Variants in RERE observed in about 807,000 individuals in gnomAD.
RERE encodes arginine-glutamic acid dipeptide repeats.
RERE carries 40 observed loss-of-function variants against 146.1 expected under a neutral mutation model. The observed-to-expected ratio is 0.27, with a 90% confidence interval of 0.21 to 0.36. The LOEUF is 0.36. Ranked by LOEUF, RERE falls within the 10% of genes least tolerant of loss-of-function variation. The pLI, the probability that RERE is intolerant of heterozygous loss-of-function variation, is 1.00. For synonymous variants in RERE, 1,003 were observed against 866.0 expected (o/e 1.16, Z -2.78); for missense variants, 1,933 against 2,138.7 (o/e 0.90, Z 1.90).
chr1:8,757,879 C>T (rs6693466), intron 1 of RERE, among the ~76,000 whole-genome samples: 34,377 of 151,770 alleles, frequency 0.23, 4,067 homozygotes, highest in Middle Eastern at 0.27. Flanking sequence ...GATAAAGTCA[C>T]ATACATATGT....
chr1:8,467,576 C>A (rs1229063481), intron 10 of RERE, among the ~76,000 whole-genome samples: 4 of 152,236 alleles, frequency 2.6e-5, no homozygotes, highest in African/African-American at 9.6e-5. Context: ...CTGAAACACA[C>A]ACTGCAAGTC....
At chr1:8,674,451 TG>T (rs1387967570) in intron 1 of RERE, among the ~76,000 whole-genome samples, 2 of 152,318 alleles carry the variant, frequency 1.3e-5, no homozygotes, top group African/African-American at 4.8e-5. Context: ...AAACAATAAC[TG>T]TGATAACACC....
intron 1 of RERE, among the ~76,000 whole-genome samples, chr1:8,734,094 G>A (rs1640147753): frequency 6.6e-6 from 1 of 152,164 alleles, no homozygotes; most frequent in Non-Finnish European, 1.5e-5. Context: ...GCAAAAAGGT[G>A]AGACTCCGTC....
intron 10 of RERE, among the ~76,000 whole-genome samples, chr1:8,476,813 C>CTGAG (rs1644762856): frequency 6.6e-6 from 1 of 152,212 alleles, no homozygotes. Context: ...ACAGAAGAGG[C>CTGAG]TGAGGTAGGT....
intron 11 of RERE, chr1:8,425,902 A>G (rs1173953062): frequency 6.6e-6 from 1 of 152,168 alleles, no homozygotes; most frequent in African/African-American, 2.4e-5. Context: ...CGAAATCTTT[A>G]CAACCTAAGA....
At chr1:8,767,013 T>C (rs1640862566) in intron 1 of RERE, among the ~76,000 whole-genome samples, 1 of 152,232 alleles carries the variant, frequency 6.6e-6, no homozygotes, top group African/African-American at 2.4e-5. Context: ...TACCTTTATA[T>C]AAAATGTACT....
At chr1:8,736,620 T>A (rs918740749) in intron 1 of RERE, among the ~76,000 whole-genome samples, 2 of 152,096 alleles carry the variant, frequency 1.3e-5, no homozygotes, top group Non-Finnish European at 2.9e-5. Context: ...AATATAATAA[T>A]CTTGGAATGT....
At chr1:8,676,298 G>T (rs1638838697) in intron 1 of RERE, among the ~76,000 whole-genome samples, 2 of 152,060 alleles carry the variant, frequency 1.3e-5, no homozygotes, top group South Asian at 4.2e-4. Context: ...ACATCAATAT[G>T]TGCCTTATCT....
chr1:8,481,185 C>T (rs1464085634), intron 10 of RERE, among the ~76,000 whole-genome samples: 3 of 152,126 alleles, frequency 2.0e-5, no homozygotes, highest in South Asian at 2.1e-4. Flanking sequence ...GGCGCGATCT[C>T]GGCTCACTGC....
intron 1 of RERE, among the ~76,000 whole-genome samples, chr1:8,721,724 C>T (rs1639866843): frequency 6.6e-6 from 1 of 152,134 alleles, no homozygotes; most frequent in Non-Finnish European, 1.5e-5. Context: ...GGTTGCTGGC[C>T]TCTATTAGAA....
chr1:8,380,046 C>T (rs1174702382), intron 12 of RERE, among the ~76,000 whole-genome samples: 1 of 152,254 alleles, frequency 6.6e-6, no homozygotes, highest in African/African-American at 2.4e-5. Flanking sequence ...CAACGCCCAC[C>T]TCACGGCTGA....
intron 4 of RERE, among the ~76,000 whole-genome samples, chr1:8,561,636 A>AT (rs967841113): frequency 1.3e-5 from 2 of 152,134 alleles, no homozygotes; most frequent in African/African-American, 2.4e-5. Context: ...AGAATCTCTA[A>AT]TTTTTTCTCT....
intron 1 of RERE, among the ~76,000 whole-genome samples, chr1:8,659,481 C>T (rs1450395784): frequency 6.6e-6 from 1 of 152,228 alleles, no homozygotes; most frequent in Non-Finnish European, 1.5e-5. Flanking sequence ...CGTATGAACC[C>T]AGGAAGCGGA....
At chr1:8,748,161 C>T (rs1640461187) in intron 1 of RERE, among the ~76,000 whole-genome samples, 3 of 152,140 alleles carry the variant, frequency 2.0e-5, no homozygotes, top group South Asian at 4.1e-4. Context: ...GAGAGAAACA[C>T]CCTTATTTAC....
intron 2 of RERE, among the ~76,000 whole-genome samples, chr1:8,640,851 G>A (rs1045464892): frequency 6.6e-6 from 1 of 152,080 alleles, no homozygotes; most frequent in Non-Finnish European, 1.5e-5. Flanking sequence ...CTAATACTAA[G>A]GAAGGAGTAA....
rs192004175 is a variant in RERE, at chr1:8,559,204, T to G, written c.523-1681A>C. On this transcript the variant is annotated intron_variant, in intron 4 of 22. Transcript: ENST00000400908. Reference sequence around the variant, plus strand: ...CTGAGGCAGGAGAATTGCTTGAACCTGGGAGGCGGAAGTTGAGGTGAGCCA... The same window carrying G: ...CTGAGGCAGGAGAATTGCTTGAACCGGGGAGGCGGAAGTTGAGGTGAGCCA... Among the ~76,000 whole-genome samples, 492 of 137,978 alleles carry G rather than the reference T, an allele frequency of 3.6e-3. 2 individuals carry two copies. Among genetic ancestry groups the G allele is most frequent in the African/African-American group, 0.012 (450 of 36,050 alleles). 90.5% of individuals were successfully genotyped at this position (137,978 alleles called of 152,430 possible). A position where few individuals can be genotyped will look rare whatever the true frequency, so the allele number is the denominator to read the frequency against.
At position 8,579,896 on chromosome 1, in the gene RERE, T is replaced by C. The variant is rs982703033; in HGVS notation, c.523-22373A>G. Among the ~76,000 whole-genome samples the C allele has an allele frequency of 2.0e-5, 3 of 152,190 alleles. No individual in the cohort carries two copies. In the Middle Eastern group the frequency reaches 0.01, roughly 518 times the overall value. On this transcript the variant is annotated intron_variant, in intron 4 of 22. Coordinates refer to ENST00000400908, the MANE Select transcript of RERE (RefSeq NM_001042681.2). ...GCGCATGCCTGTAATCCCAGCTACA[T>C]GGGAGGCTGAGACAGGAGAACTGCT...
At chr1:8,399,220 T>C (rs1041080036) in intron 12 of RERE, among the ~76,000 whole-genome samples, 7 of 152,098 alleles carry the variant, frequency 4.6e-5, no homozygotes, top group Non-Finnish European at 1.0e-4. Flanking sequence ...TTTTTAAGTC[T>C]TAATATAGAT....
chr1:8,503,971 A>G (rs1208228529), intron 8 of RERE, among the ~76,000 whole-genome samples: 1 of 152,200 alleles, frequency 6.6e-6, no homozygotes, highest in East Asian at 1.9e-4. Flanking sequence ...GAGTCACGGG[A>G]AAAAAATAAA....
Sources: allele counts gnomAD v4.1 joint callset (sites outside exome capture counted in the v4.1 genomes callset), GRCh38; gene constraint gnomAD v4.1.1; transcripts MANE v1.5; gene names NCBI Gene and HGNC (gene_info 2026-07-23, HGNC 2026-07-21).